Variants in ACACB observed in about 807,000 individuals in gnomAD.
ACACB encodes acetyl-CoA carboxylase beta.
A neutral mutation model predicts 278.8 loss-of-function variants in ACACB; 209 were observed. The observed-to-expected ratio is 0.75, with a 90% CI of 0.67 to 0.84. The LOEUF is 0.84. Among genes scored for constraint, ACACB ranks in the 40% least tolerant of loss-of-function variants. The pLI, the probability that ACACB is intolerant of heterozygous loss-of-function variation, is 0.00. For missense variants in ACACB, 2,850 were observed against 3,269.0 expected, an observed-to-expected ratio of 0.87 and a Z score of 3.13; for synonymous variants, 1,174 against 1,285.6, an observed-to-expected ratio of 0.91 and a Z score of 1.86.
In ACACB at chr12:109,191,923, T is replaced by A; in HGVS notation, c.2372T>A (p.Met791Lys). ...GCCGATGCGATGTTCAGAACGTGCATGACAGATTTCTTACACTCCCTGGAA... is the reference window on the plus strand; with the variant it reads ...GCCGATGCGATGTTCAGAACGTGCAAGACAGATTTCTTACACTCCCTGGAA... ...NVADAMFRTC[M>K]TDFLHSLERG... The change falls in exon 15 of 53, where the codon ATG becomes AAG. Residue 791 changes from methionine to lysine, a missense_variant. This residue lies in a region of ACACB where 2,265 missense variants were observed against 2,561.3 expected (regional missense o/e 0.88). Coordinates refer to ENST00000338432, the MANE Select transcript of ACACB (RefSeq NM_001093.4). 1 of 1,614,236 alleles carries A rather than the reference T, an allele frequency of 6.2e-7. No individual in the cohort carries two copies. Among genetic ancestry groups the A allele is most frequent in the Non-Finnish European group, 8.5e-7 (1 of 1,180,044 alleles).
At chr12:109,263,431 C>T (rs2047434391) in intron 49 of ACACB, 1 of 152,226 alleles carries the variant, frequency 6.6e-6, no homozygotes, top group Non-Finnish European at 1.5e-5. Flanking sequence ...CCTGCGTCAG[C>T]CTCCCAAAGT....
intron 26 of ACACB, 31 bp downstream of exon 26, chr12:109,222,943 C>T: frequency 6.5e-7 from 1 of 1,534,276 alleles, no homozygotes; most frequent in South Asian, 1.2e-5. Context: ...TCACCATCTG[C>T]AGAGCACACA....
At chr12:109,210,284 T>C (rs1417217788) in intron 21 of ACACB, among the ~76,000 whole-genome samples, 1 of 20,174 alleles carries the variant, frequency 5.0e-5, no homozygotes, top group Non-Finnish European at 1.4e-4. Context: ...TACACACACA[T>C]ATCTGTGTGT....
At chr12:109,242,346 AC>A in intron 36 of ACACB, 90 bp from the exon 37 acceptor site, 19 of 1,425,372 alleles carry the variant, frequency 1.3e-5, no homozygotes, top group Non-Finnish European at 1.7e-5. Context: ...TGCTTCCCCC[AC>A]CTGCATTTTC....
intron 18 of ACACB, among the ~76,000 whole-genome samples, chr12:109,200,581 AG>A (rs1359359612): frequency 6.6e-6 from 1 of 152,150 alleles, no homozygotes; most frequent in Non-Finnish European, 1.5e-5. Flanking sequence ...ACACTTGCAA[AG>A]CCATAACCAT....
chr12:109,143,282 C>G (rs1396840077), intron 2 of ACACB, among the ~76,000 whole-genome samples: 1 of 151,258 alleles, frequency 6.6e-6, no homozygotes, highest in African/African-American at 2.4e-5. Context: ...GGCAACATGG[C>G]AAAACCTCAT....
intron 6 of ACACB, among the ~76,000 whole-genome samples, chr12:109,173,525 T>TTACCCAGGA (rs1318442350): frequency 6.6e-6 from 1 of 152,218 alleles, no homozygotes; most frequent in Non-Finnish European, 1.5e-5. Context: ...TGTCTGACAG[T>TTACCCAGGA]TACCCAGGAC....
intron 1 of ACACB, among the ~76,000 whole-genome samples, chr12:109,133,859 ATATATTTT>A (rs1466058764): frequency 1.0e-4 from 5 of 48,244 alleles, no homozygotes; most frequent in Admixed American, 2.3e-4. Flanking sequence ...ATATATATAT[ATATATTTT>A]TTTTTTTTTT....
At chr12:109,199,595 T>G in intron 18 of ACACB, 43 bp downstream of exon 18, 1 of 1,379,720 alleles carries the variant, frequency 7.2e-7, no homozygotes, top group Admixed American at 2.8e-5. Context: ...ACCCTCAAAC[T>G]CCCACTCTTC....
chr12:109,129,467 C>G (rs2042767145), intron 1 of ACACB, among the ~76,000 whole-genome samples: 1 of 152,208 alleles, frequency 6.6e-6, no homozygotes, highest in South Asian at 2.1e-4. Context: ...CTGCAACACT[C>G]CCTAACATTT....
intron 13 of ACACB, 76 bp from the exon 14 acceptor site, chr12:109,191,537 T>C: frequency 6.4e-7 from 1 of 1,574,462 alleles, no homozygotes; most frequent in Non-Finnish European, 8.7e-7. Flanking sequence ...TCCAGTTCTC[T>C]GAATCACATC....
At chr12:109,213,044 A>G (rs2045895144) in intron 22 of ACACB, 108 bp downstream of exon 22, 1 of 911,516 alleles carries the variant, frequency 1.1e-6, no homozygotes, top group African/African-American at 1.6e-5. Context: ...GAACTGAGAG[A>G]AAGTGTGTTA....
chr12:109,158,835 C>A (rs550714128), intron 2 of ACACB, among the ~76,000 whole-genome samples: 1 of 152,032 alleles, frequency 6.6e-6, no homozygotes, highest in Non-Finnish European at 1.5e-5. Flanking sequence ...ATTAGCAGAG[C>A]GTGGTAGCAC....
intron 34 of ACACB, among the ~76,000 whole-genome samples, chr12:109,238,844 C>T (rs570902090): frequency 4.6e-5 from 7 of 151,918 alleles, no homozygotes; most frequent in African/African-American, 1.7e-4. Flanking sequence ...GGATTACAGG[C>T]GTGAGCCACC....
At chr12:109,246,699 C>A (rs2046957662) in intron 39 of ACACB, among the ~76,000 whole-genome samples, 1 of 151,942 alleles carries the variant, frequency 6.6e-6, no homozygotes, top group African/African-American at 2.4e-5. Flanking sequence ...GTCTATAAAC[C>A]CTGAGCTGAT....
At chr12:109,228,297 C>T (rs914831123) in intron 28 of ACACB, among the ~76,000 whole-genome samples, 1 of 151,506 alleles carries the variant, frequency 6.6e-6, no homozygotes, top group Admixed American at 6.6e-5. Context: ...GATTGCACCA[C>T]TACACGCCAG....
At chr12:109,178,862 C>A (rs1277558344) in intron 9 of ACACB, among the ~76,000 whole-genome samples, 1 of 152,154 alleles carries the variant, frequency 6.6e-6, no homozygotes, top group Non-Finnish European at 1.5e-5. Context: ...TTCTTCCCCA[C>A]CTGGGGCCGT....
chr12:109,266,603 CA>C lies in ACACB; in HGVS notation c.*242del. The C allele has an allele frequency of 2.8e-6, 1 of 357,242 alleles. No individual in the cohort carries two copies. The highest frequency in any genetic ancestry group is 4.9e-6 in the Non-Finnish European group (1 of 203,900). The allele number at this position is 357,242 out of a possible 1,614,324, so 22.1% of individuals were successfully genotyped here. A position where few individuals can be genotyped will look rare whatever the true frequency, so the allele number is the denominator to read the frequency against. ...GTTTATTTTGTTTTGTCTCTGAAGA[CA>C]GCAGTTTTATTGCATCACTAAATCT... On this transcript the variant is annotated 3_prime_UTR_variant, in exon 53 of 53. Coordinates refer to ENST00000338432, the MANE Select transcript of ACACB (RefSeq NM_001093.4).
intron 16 of ACACB, among the ~76,000 whole-genome samples, chr12:109,195,742 G>A (rs899476987): frequency 6.6e-6 from 1 of 151,430 alleles, no homozygotes; most frequent in Non-Finnish European, 1.5e-5. Context: ...TTTTTAACAC[G>A]AGTCTAAACT....
Sources: gnomAD v4.1 joint callset for allele counts (sites outside exome capture counted in the v4.1 genomes callset) on GRCh38, gnomAD v4.1.1 for gene constraint, gnomAD v4.1.1 regional missense constraint, MANE v1.5 for transcripts, NCBI Gene and HGNC (gene_info 2026-07-23, HGNC 2026-07-21) for gene names.